Variants in LPIN2 observed in about 807,000 individuals in gnomAD.
The protein encoded by LPIN2 is phosphatidate phosphatase LPIN2.
A neutral mutation model predicts 111.4 loss-of-function variants in LPIN2; 55 were observed. The observed-to-expected ratio is 0.49, with a 90% CI of 0.40 to 0.62. The LOEUF is 0.62. Ranked by LOEUF, LPIN2 falls within the 20% of genes least tolerant of loss-of-function variation. LPIN2 has a pLI of 0.00. For missense variants in LPIN2, 992 were observed against 1,112.1 expected, an observed-to-expected ratio of 0.89 and a Z score of 1.54; for synonymous variants, 425 against 414.0, an observed-to-expected ratio of 1.03 and a Z score of -0.32.
chr18:2,989,258 A>AT (rs2078228871), intron 1 of LPIN2, among the ~76,000 whole-genome samples: 1 of 152,198 alleles, frequency 6.6e-6, no homozygotes. Context: ...TGAAATTCAG[A>AT]TTTACTATGC....
chr18:2,952,975 T>A (rs1202128763), intron 3 of LPIN2, among the ~76,000 whole-genome samples: 1 of 152,212 alleles, frequency 6.6e-6, no homozygotes, highest in Non-Finnish European at 1.5e-5. Context: ...GGCAACAAAC[T>A]GGGTTTTTGG....
At chr18:2,937,226 C>T (rs888648102) in intron 7 of LPIN2, among the ~76,000 whole-genome samples, 23 of 151,984 alleles carry the variant, frequency 1.5e-4, no homozygotes, top group Non-Finnish European at 2.5e-4. Flanking sequence ...TCCAGGGGGA[C>T]GCCATGGAAA....
Position 2,974,370 on chromosome 18 carries a change from C to T in LPIN2, c.-9-13521G>A, listed in dbSNP as rs547854373. 8.7e-4 allele frequency among the ~76,000 whole-genome samples: 133 copies of T among 152,306 alleles called. 1 individual carries two copies. In the Middle Eastern group the frequency reaches 0.034, roughly 39 times the overall value. Reference sequence around the variant, plus strand: ...TGGGATTAACAGGCGTGAGCCACCGCGCCTGGGCTTCTACTGGTATTGTTT... The same window carrying T: ...TGGGATTAACAGGCGTGAGCCACCGTGCCTGGGCTTCTACTGGTATTGTTT... On this transcript the variant is annotated intron_variant, in intron 1 of 19. Coordinates refer to ENST00000677752, the MANE Select transcript of LPIN2 (RefSeq NM_001375808.2).
intron 6 of LPIN2, among the ~76,000 whole-genome samples, chr18:2,938,727 T>C (rs1320848360): frequency 2.0e-5 from 3 of 152,240 alleles, no homozygotes; most frequent in Non-Finnish European, 2.9e-5. Flanking sequence ...CACAAATATA[T>C]GCAAAATGTA....
chr18:2,939,332 A>G, intron 6 of LPIN2, 148 bp downstream of exon 6: 9 of 916,994 alleles, frequency 9.8e-6, no homozygotes, highest in Non-Finnish European at 1.4e-5. Flanking sequence ...AAAAATGTTA[A>G]CTTTGAATTT....
intron 1 of LPIN2, among the ~76,000 whole-genome samples, chr18:2,964,301 A>AAG (rs2077758093): frequency 6.6e-6 from 1 of 151,286 alleles, no homozygotes; most frequent in South Asian, 2.1e-4. Context: ...AAAAAAAAAA[A>AAG]AAAAGAAATG....
rs144902554 is a variant in LPIN2, at chr18:2,988,898, A to C, written c.-10+24189T>G. ...AAGCTCTCTCAGGAACAGGGCATTT[A>C]GTTTGTGTAAAAATCTTCAGCCTTT... On this transcript the variant is annotated intron_variant, in intron 1 of 19. Coordinates refer to ENST00000677752, the MANE Select transcript of LPIN2 (RefSeq NM_001375808.2). 5.3e-3 allele frequency among the ~76,000 whole-genome samples: 806 copies of C among 152,346 alleles called. 5 individuals are homozygous for C. Among genetic ancestry groups the C allele is most frequent in the Non-Finnish European group, 8.0e-3 (544 of 68,024 alleles).
chr18:2,919,089 A>G lies in LPIN2; in HGVS notation c.*1204T>C, dbSNP rs1052970241. On this transcript the variant is annotated 3_prime_UTR_variant, in exon 20 of 20. Transcript: ENST00000677752. ...CACCTTTCCCTGGTGCCATCTCTTC[A>G]GACACGATGTGAGCTCATTACAACC... 6.6e-6 allele frequency: 1 copy of G among 152,210 alleles called. No homozygotes were observed. The highest frequency in any genetic ancestry group is 1.9e-4 in the East Asian group (1 of 5,196). 9.4% of individuals were successfully genotyped at this position (152,210 alleles called of 1,614,324 possible). A position where few individuals can be genotyped will look rare whatever the true frequency, so the allele number is the denominator to read the frequency against.
rs967624901 is a variant in LPIN2, at chr18:2,919,936, T to A, written c.*357A>T. The A allele has an allele frequency of 8.4e-6, 3 of 359,074 alleles. No homozygotes were observed. The highest frequency in any genetic ancestry group is 6.7e-5 in the East Asian group (1 of 14,884). 22.2% of individuals were successfully genotyped at this position (359,074 alleles called of 1,614,324 possible). A position where few individuals can be genotyped will look rare whatever the true frequency, so the allele number is the denominator to read the frequency against. Reference sequence around the variant, plus strand: ...AACTGCCCAGTGGAAACTGGAACACTTCACTGTGTGCAGTGTTTTGGTCCA... The same window carrying A: ...AACTGCCCAGTGGAAACTGGAACACATCACTGTGTGCAGTGTTTTGGTCCA... On this transcript the variant is annotated 3_prime_UTR_variant, in exon 20 of 20. Coordinates refer to ENST00000677752, the MANE Select transcript of LPIN2 (RefSeq NM_001375808.2).
At chr18:2,971,225 A>G (rs547368854) in intron 1 of LPIN2, among the ~76,000 whole-genome samples, 38 of 152,334 alleles carry the variant, frequency 2.5e-4, no homozygotes, top group Middle Eastern at 3.4e-3. Context: ...GTATTTCGTA[A>G]GAGGAGCAAG....
At chr18:2,950,929 A>G in intron 4 of LPIN2, 126 bp downstream of exon 4, 1 of 987,122 alleles carries the variant, frequency 1.0e-6, no homozygotes, top group Non-Finnish European at 1.6e-6. Flanking sequence ...TGATTCCACA[A>G]TAAACTGTAA....
chr18:2,948,711 A>C (rs908640367), intron 4 of LPIN2, among the ~76,000 whole-genome samples: 1 of 152,198 alleles, frequency 6.6e-6, no homozygotes, highest in African/African-American at 2.4e-5. Context: ...AATAAAACTT[A>C]AGATGTGTAA....
At chr18:2,938,330 C>A (rs979982756) in intron 6 of LPIN2, among the ~76,000 whole-genome samples, 1 of 151,878 alleles carries the variant, frequency 6.6e-6, no homozygotes, top group Non-Finnish European at 1.5e-5. Context: ...TCGAGATTAG[C>A]CTGGCCAACA....
chr18:2,974,440 A>G (rs967031049), intron 1 of LPIN2, among the ~76,000 whole-genome samples: 4 of 152,206 alleles, frequency 2.6e-5, no homozygotes, highest in Admixed American at 6.5e-5. Flanking sequence ...TATTAGAGAA[A>G]TCCTTCCTTT....
chr18:2,998,781 CAT>C (rs1364947902), intron 1 of LPIN2, among the ~76,000 whole-genome samples: 2 of 152,106 alleles, frequency 1.3e-5, no homozygotes, highest in African/African-American at 4.8e-5. Context: ...ACCTGGCTAA[CAT>C]GTTCACGAAA....
chr18:2,924,335 A>G (rs1236706887), intron 15 of LPIN2, 63 bp downstream of exon 15: 2 of 1,605,634 alleles, frequency 1.2e-6, no homozygotes, highest in Non-Finnish European at 1.7e-6. Context: ...CCCACCACAC[A>G]CTGCCTGCCC....
chr18:2,932,697 C>T (rs1197898541), intron 8 of LPIN2, among the ~76,000 whole-genome samples: 2 of 152,216 alleles, frequency 1.3e-5, no homozygotes, highest in African/African-American at 4.8e-5. Flanking sequence ...CATGACTGAG[C>T]CGTGAATATG....
chr18:2,947,557 T>G (rs369260804), intron 4 of LPIN2, among the ~76,000 whole-genome samples: 1 of 152,218 alleles, frequency 6.6e-6, no homozygotes, highest in South Asian at 2.1e-4. Context: ...AAAGAATGAT[T>G]CCCTCTTCCA....
chr18:2,920,485 G>A (rs761921224), intron 19 of LPIN2, 48 bp from the exon 20 acceptor site: 2 of 1,605,792 alleles, frequency 1.2e-6, no homozygotes, highest in East Asian at 2.2e-5. Flanking sequence ...TTCAAGATCG[G>A]TCAAAGGCAC....
Sources: allele counts gnomAD v4.1 joint callset (sites outside exome capture counted in the v4.1 genomes callset), GRCh38; gene constraint gnomAD v4.1.1; transcripts MANE v1.5; gene names NCBI Gene and HGNC (gene_info 2026-07-23, HGNC 2026-07-21).